The following ATRN variants were observed in gnomAD, a reference collection of about 807,000 sequenced individuals.
ATRN encodes attractin.
Under a neutral mutation model 178.7 loss-of-function variants are expected in ATRN, and 54 were observed. The observed-to-expected ratio is 0.30, with a 90% CI of 0.24 to 0.38. The LOEUF (loss-of-function observed/expected upper bound fraction) is 0.38, where lower values mean the gene tolerates loss of function less well. Ranked by LOEUF, ATRN falls within the 10% of genes least tolerant of loss-of-function variation. The probability of loss-of-function intolerance (pLI) is 1.00; values close to 1 mark genes in which losing one functional copy is unlikely to be tolerated. For missense variants in ATRN, 1,443 were observed against 1,815.1 expected (o/e 0.79, Z 3.73); for synonymous variants, 636 against 663.0 (o/e 0.96, Z 0.63).
At chr20:3,477,011 A>G (rs1338671657) in intron 1 of ATRN, among the ~76,000 whole-genome samples, 7 of 152,096 alleles carry the variant, frequency 4.6e-5, no homozygotes, top group East Asian at 3.9e-4. Flanking sequence ...CCCCAGTGCA[A>G]TGTAAGTTCC....
At chr20:3,595,649 G>T (rs1398679687) in intron 20 of ATRN, among the ~76,000 whole-genome samples, 1 of 152,216 alleles carries the variant, frequency 6.6e-6, no homozygotes, top group Non-Finnish European at 1.5e-5. Context: ...ACAAAGACAT[G>T]AGGTGGCATC....
rs548729655 is a variant in ATRN at position 3,471,057 on chromosome 20, C to A, written c.-51C>A. The A allele has an allele frequency of 1.2e-5, 18 of 1,463,626 alleles. No individual in the cohort carries two copies. The Admixed American group carries it at 2.0e-4, about 16-fold the overall frequency. The allele number at this position is 1,463,626 out of a possible 1,614,324, so 90.7% of individuals were successfully genotyped here. ...CACGGCCAGGCGAAGCGGAGCCGGC[C>A]GTGCGGTGTGTGTGTATGTGTTCGC... On this transcript the variant is annotated 5_prime_UTR_variant, in exon 1 of 29. Coordinates refer to ENST00000262919, the MANE Select transcript of ATRN (RefSeq NM_139321.3).
intron 1 of ATRN, among the ~76,000 whole-genome samples, chr20:3,482,466 C>T (rs2084635643): frequency 6.6e-6 from 1 of 152,188 alleles, no homozygotes. Context: ...CGATTTTCAG[C>T]TATTTGTAAG....
chr20:3,493,798 A>G (rs909677294), intron 1 of ATRN, among the ~76,000 whole-genome samples: 3 of 152,148 alleles, frequency 2.0e-5, no homozygotes, highest in Admixed American at 6.5e-5. Flanking sequence ...CCATACTGTC[A>G]TGGATACACA....
intron 1 of ATRN, among the ~76,000 whole-genome samples, chr20:3,513,979 TAAG>T (rs916854593): frequency 2.6e-4 from 40 of 152,304 alleles, no homozygotes; most frequent in African/African-American, 9.4e-4. Context: ...CTTATCAGCT[TAAG>T]GAGATTTTGG....
rs1485509938 is a variant in ATRN, at chr20:3,529,139, A to G, written c.411-6114A>G. On this transcript the variant is annotated intron_variant, in intron 1 of 28. Coordinates refer to ENST00000262919, the MANE Select transcript of ATRN (RefSeq NM_139321.3). The stretch of plus-strand genomic sequence containing the variant: ...TCTGAAAATCTTTAAATATCAGAAA[A>G]ATACAAATTTATACCATAATGAGAT... Among the ~76,000 whole-genome samples the G allele has an allele frequency of 3.3e-5, 5 of 151,794 alleles. No individual in the cohort carries two copies. In the East Asian group the frequency reaches 9.6e-4, roughly 29 times the overall value.
intron 1 of ATRN, among the ~76,000 whole-genome samples, chr20:3,477,842 T>G (rs931284273): frequency 6.6e-6 from 1 of 152,256 alleles, no homozygotes; most frequent in Non-Finnish European, 1.5e-5. Context: ...ATATATGTCT[T>G]CTGTCCTTAT....
intron 20 of ATRN, 82 bp downstream of exon 20, chr20:3,594,654 T>G: frequency 7.8e-6 from 9 of 1,148,058 alleles, no homozygotes; most frequent in Non-Finnish European, 9.8e-6. Context: ...AGCCACCCAC[T>G]TCCCTGTGTC....
At chr20:3,573,200 C>CT (rs1313559637) in intron 12 of ATRN, among the ~76,000 whole-genome samples, 1 of 152,118 alleles carries the variant, frequency 6.6e-6, no homozygotes, top group African/African-American at 2.4e-5. Flanking sequence ...ATTGCATAGG[C>CT]TTTGCATACT....
Position 3,604,141 on chromosome 20 carries a change from CA to C in ATRN, c.3685del (p.Thr1229ProfsTer56). On this transcript the variant is annotated frameshift_variant, in exon 24 of 29. Coordinates refer to ENST00000262919, the MANE Select transcript of ATRN (RefSeq NM_139321.3). LOFTEE classifies it high-confidence loss of function. The stretch of plus-strand genomic sequence containing the variant: ...GCTGGAGAAGAGATGCCTGTTGTTT[CA>C]AAAACCAACATTAAGGAGTACAAAG... ...TQAGEEMPVVSKTNIKEYKDS... is the reference protein window; with the variant it reads ...TQAGEEMPVVXKTNIKEYKDS... The C allele has an allele frequency of 6.2e-7, 1 of 1,600,724 alleles. No individual in the cohort carries two copies. The highest frequency in any genetic ancestry group is 1.8e-5 in the Admixed American group (1 of 56,112).
intron 7 of ATRN, among the ~76,000 whole-genome samples, chr20:3,559,922 A>T (rs962159548): frequency 1.3e-5 from 2 of 152,176 alleles, no homozygotes; most frequent in African/African-American, 4.8e-5. Context: ...AAACTGGTGA[A>T]GTATTAGAGA....
intron 18 of ATRN, among the ~76,000 whole-genome samples, chr20:3,590,143 G>A (rs2086419507): frequency 6.6e-6 from 1 of 152,114 alleles, no homozygotes; most frequent in Admixed American, 6.5e-5. Flanking sequence ...TAGAGACAGG[G>A]TTTCACTGTG....
chr20:3,577,346 G>T (rs2086226702), intron 14 of ATRN, among the ~76,000 whole-genome samples: 1 of 152,154 alleles, frequency 6.6e-6, no homozygotes, highest in Admixed American at 6.6e-5. Flanking sequence ...GCACTTTATG[G>T]AGAGTACTTC....
chr20:3,554,655 T>C (rs928347746), intron 6 of ATRN, among the ~76,000 whole-genome samples: 2 of 152,084 alleles, frequency 1.3e-5, no homozygotes, highest in Admixed American at 6.5e-5. Context: ...TTTATAGTCA[T>C]TTATACTCTT....
intron 24 of ATRN, among the ~76,000 whole-genome samples, chr20:3,614,748 G>C (rs986495936): frequency 1.3e-5 from 2 of 152,074 alleles, no homozygotes; most frequent in Admixed American, 6.6e-5. Context: ...GCCAATTTTA[G>C]AATATTTTCA....
rs530878090 is a variant in ATRN at position 3,589,290 on chromosome 20, G to A, written c.3185-1879G>A. On this transcript the variant is annotated intron_variant, in intron 18 of 28. Transcript: ENST00000262919. Reference sequence around the variant, plus strand: ...TGGGATTACAGGCGTGAGCCACCACGCCCGGCCAGTTCATAGTATTTTCTT... The same window carrying A: ...TGGGATTACAGGCGTGAGCCACCACACCCGGCCAGTTCATAGTATTTTCTT... Among the ~76,000 whole-genome samples the A allele has an allele frequency of 1.8e-4, 28 of 152,044 alleles. No individual in the cohort carries two copies. The East Asian group carries it at 4.2e-3, about 23-fold the overall frequency.
At chr20:3,512,061 C>G (rs1323864789) in intron 1 of ATRN, among the ~76,000 whole-genome samples, 1 of 136,886 alleles carries the variant, frequency 7.3e-6, no homozygotes, top group Non-Finnish European at 1.6e-5. Flanking sequence ...AAGGCCTGCA[C>G]TGGGTTATGT....
intron 1 of ATRN, among the ~76,000 whole-genome samples, chr20:3,494,708 A>G (rs529852137): frequency 1.3e-5 from 2 of 152,326 alleles, no homozygotes; most frequent in South Asian, 4.1e-4. Context: ...GATATAGGGA[A>G]TATAAGTCTG....
Position 3,471,477 on chromosome 20 carries a change from TG to T in ATRN, c.373del (p.Val125TrpfsTer14). On this transcript the variant is annotated frameshift_variant, in exon 1 of 29. Transcript: ENST00000262919. LOFTEE classifies it high-confidence loss of function. ...CGGCCAGTGCGTCTGCCCCGCCGGC[TG>T]GGTGGGCGAGCAATGCCAGCACTGC... The part of the protein sequence containing the change: ...GTGQCVCPAG[W>X]VGEQCQHCGG... The T allele has an allele frequency of 7.1e-7, 1 of 1,410,302 alleles. No individual in the cohort carries two copies. The allele number at this position is 1,410,302 out of a possible 1,614,324, so 87.4% of individuals were successfully genotyped here.
Sources: gnomAD v4.1 joint callset for allele counts (sites outside exome capture counted in the v4.1 genomes callset) on GRCh38, gnomAD v4.1.1 for gene constraint, MANE v1.5 for transcripts, NCBI Gene and HGNC (gene_info 2026-07-23, HGNC 2026-07-21) for gene names.